Variants in MMP26 observed in about 807,000 individuals in gnomAD.
MMP26 encodes matrix metallopeptidase 26, also known as matrix metalloproteinase-26.
Under a neutral mutation model 31.0 loss-of-function variants are expected in MMP26, and 33 were observed. That is an observed-to-expected ratio of 1.06 (90% CI 0.81 to 1.42). The LOEUF (loss-of-function observed/expected upper bound fraction) is 1.42, where lower values mean the gene tolerates loss of function less well. MMP26 is among the 40% of genes most tolerant of loss of function. MMP26 has a pLI of 0.00. For missense variants in MMP26, 347 were observed against 316.1 expected (o/e 1.10, Z -0.74); for synonymous variants, 122 against 114.9 (o/e 1.06, Z -0.40).
At chr11:4,940,589 C>A (rs573644769) in intron 2 of MMP26, among the ~76,000 whole-genome samples, 1 of 152,114 alleles carries the variant, frequency 6.6e-6, no homozygotes, top group African/African-American at 2.4e-5. Flanking sequence ...TGCTTGTAGG[C>A]ACTGTTTTAT....
intron 2 of MMP26, among the ~76,000 whole-genome samples, chr11:4,853,724 A>G (rs543836554): frequency 6.6e-6 from 1 of 152,208 alleles, no homozygotes; most frequent in Non-Finnish European, 1.5e-5. Context: ...AAAAGAAGAA[A>G]TAATAACTAA....
chr11:4,814,215 C>T (rs1452332352), intron 2 of MMP26, among the ~76,000 whole-genome samples: 3 of 152,242 alleles, frequency 2.0e-5, no homozygotes, highest in East Asian at 3.9e-4. Flanking sequence ...TAAAACTAGA[C>T]CTCCTTTTGA....
intron 1 of MMP26, chr11:4,736,335 A>T (rs1330943256): frequency 1.3e-5 from 2 of 152,178 alleles, no homozygotes; most frequent in Non-Finnish European, 2.9e-5. Flanking sequence ...CAAACTAATG[A>T]GAGGGATGTA....
intron 2 of MMP26, among the ~76,000 whole-genome samples, chr11:4,822,772 T>A (rs1364631890): frequency 6.6e-6 from 1 of 152,188 alleles, no homozygotes; most frequent in Admixed American, 6.5e-5. Context: ...TTCTTGATTA[T>A]ATATGCGATT....
At chr11:4,861,496 T>G (rs1180456713) in intron 2 of MMP26, among the ~76,000 whole-genome samples, 1 of 151,622 alleles carries the variant, frequency 6.6e-6, no homozygotes, top group African/African-American at 2.4e-5. Context: ...TATATGTATA[T>G]ATATATAGAG....
chr11:4,980,947 AGG>A (rs1413439889), intron 2 of MMP26, among the ~76,000 whole-genome samples: 1 of 152,090 alleles, frequency 6.6e-6, no homozygotes, highest in Non-Finnish European at 1.5e-5. Context: ...ACAGGACTTA[AGG>A]GGCTTTCAGT....
rs1847021829 is a variant in MMP26 at position 4,992,375 on chromosome 11, T to C, written c.*133T>C. On this transcript the variant is annotated 3_prime_UTR_variant, in exon 8 of 8. Transcript: ENST00000380390. ...AAGAATGCAACCTAGTCAGGTTAGC[T>C]GAACCGACACTCAAAACGCTACTGA... 1.3e-6 allele frequency: 1 copy of C among 777,638 alleles called. No homozygotes were observed. Among genetic ancestry groups the C allele is most frequent in the South Asian group, 1.8e-5 (1 of 55,922 alleles). The allele number at this position is 777,638 out of a possible 1,614,324, so 48.2% of individuals were successfully genotyped here.
At chr11:4,911,399 G>C (rs930309221) in intron 2 of MMP26, among the ~76,000 whole-genome samples, 9 of 152,136 alleles carry the variant, frequency 5.9e-5, no homozygotes, top group African/African-American at 2.2e-4. Flanking sequence ...TTGAGGGTGG[G>C]AAATGTGTCT....
At chr11:4,963,257 A>C (rs1846545567) in intron 2 of MMP26, among the ~76,000 whole-genome samples, 1 of 152,110 alleles carries the variant, frequency 6.6e-6, no homozygotes, top group Non-Finnish European at 1.5e-5. Flanking sequence ...ATGGAAAAAC[A>C]CTCCATGCTC....
chr11:4,780,861 G>A (rs926104153), intron 2 of MMP26, among the ~76,000 whole-genome samples: 40 of 151,324 alleles, frequency 2.6e-4, no homozygotes, highest in Admixed American at 1.1e-3. Context: ...ATAAATTAAT[G>A]TATCTATAAA....
intron 2 of MMP26, chr11:4,944,822 C>T (rs1846269820): frequency 6.6e-6 from 1 of 151,766 alleles, no homozygotes; most frequent in Non-Finnish European, 1.5e-5. Flanking sequence ...AATGATATGC[C>T]TATATTTGAA....
At position 4,798,526 on chromosome 11, in the gene MMP26, G is replaced by A. The variant is rs529943126; in HGVS notation, c.-145+31185G>A. The stretch of plus-strand genomic sequence containing the variant: ...GACATGCCTCTACTCTCCATTGAAC[G>A]GAAACATACTGCTTTGCATGTACTT... On this transcript the variant is annotated intron_variant, in intron 2 of 7. Coordinates refer to ENST00000380390, the MANE Select transcript of MMP26 (RefSeq NM_021801.5). Among the ~76,000 whole-genome samples the A allele has an allele frequency of 6.6e-5, 10 of 152,316 alleles. No individual in the cohort carries two copies. The South Asian group carries it at 2.1e-3, about 32-fold the overall frequency.
intron 2 of MMP26, among the ~76,000 whole-genome samples, chr11:4,975,118 A>G (rs537828988): frequency 1.3e-5 from 2 of 152,222 alleles, no homozygotes; most frequent in East Asian, 3.9e-4. Flanking sequence ...TTAAAATGAA[A>G]TAACATTTTT....
At chr11:4,723,014 T>C (rs1348285495) in intron 1 of MMP26, 2 of 924,002 alleles carry the variant, frequency 2.2e-6, no homozygotes, top group Admixed American at 1.7e-5. Flanking sequence ...CAGCTTCCTG[T>C]AGGTGGCGAT....
intron 2 of MMP26, among the ~76,000 whole-genome samples, chr11:4,906,940 A>C (rs1013365275): frequency 6.6e-6 from 1 of 151,916 alleles, no homozygotes; most frequent in Admixed American, 6.6e-5. Flanking sequence ...GAATACAAAA[A>C]TTAGCTACGC....
chr11:4,853,520 T>C (rs1850004291), intron 2 of MMP26, among the ~76,000 whole-genome samples: 1 of 152,164 alleles, frequency 6.6e-6, no homozygotes, highest in African/African-American at 2.4e-5. Flanking sequence ...AGGAATGCAA[T>C]GTGGGATAAC....
At chr11:4,757,637 A>G (rs1283160366) in intron 1 of MMP26, among the ~76,000 whole-genome samples, 1 of 152,080 alleles carries the variant, frequency 6.6e-6, no homozygotes, top group Non-Finnish European at 1.5e-5. Flanking sequence ...TGGGCAAAAT[A>G]TTTGAATACA....
chr11:4,770,583 TG>T (rs1458096841), intron 2 of MMP26, among the ~76,000 whole-genome samples: 4 of 152,168 alleles, frequency 2.6e-5, no homozygotes, highest in Non-Finnish European at 5.9e-5. Context: ...AGGTGGCTCA[TG>T]CCTGTAATCC....
intron 2 of MMP26, among the ~76,000 whole-genome samples, chr11:4,895,469 G>T (rs965392196): frequency 6.6e-6 from 1 of 152,168 alleles, no homozygotes; most frequent in Non-Finnish European, 1.5e-5. Context: ...CAGATCATTT[G>T]TTCTGCTGTC....
Sources: allele counts gnomAD v4.1 joint callset (sites outside exome capture counted in the v4.1 genomes callset), GRCh38; gene constraint gnomAD v4.1.1; transcripts MANE v1.5; gene names NCBI Gene and HGNC (gene_info 2026-07-23, HGNC 2026-07-21).